SUMF1: variants seen among roughly 807,000 people sequenced by gnomAD.
The protein encoded by SUMF1 is sulfatase modifying factor 1, also known as formylglycine-generating enzyme.
A neutral mutation model predicts 47.6 loss-of-function variants in SUMF1; 48 were observed. The observed-to-expected ratio is 1.01, with a 90% CI of 0.80 to 1.28. SUMF1 has a LOEUF of 1.28. Ranked by LOEUF, SUMF1 falls within the 50% of genes most tolerant of loss-of-function variation. SUMF1 has a pLI of 0.00. For missense variants in SUMF1, 571 were observed against 485.4 expected, an observed-to-expected ratio of 1.18 and a Z score of -1.66; for synonymous variants, 230 against 192.1, an observed-to-expected ratio of 1.20 and a Z score of -1.63.
chr3:4,111,779 T>A (rs1693313322), intron 8 of SUMF1, among the ~76,000 whole-genome samples: 3 of 152,054 alleles, frequency 2.0e-5, no homozygotes, highest in Non-Finnish European at 4.4e-5. Flanking sequence ...TAAATATGAA[T>A]GTGTTTACGT....
At chr3:4,332,137 AATTAGAGCCCTTTTACAT>A (rs1699064006) in intron 8 of SUMF1, among the ~76,000 whole-genome samples, 1 of 152,234 alleles carries the variant, frequency 6.6e-6, no homozygotes, top group African/African-American at 2.4e-5. Flanking sequence ...TAAGCCAATT[AATTAGAGCCCTTTTACAT>A]ATTTTGGTAG....
intron 8 of SUMF1, among the ~76,000 whole-genome samples, chr3:4,254,499 G>A (rs939361738): frequency 1.0e-4 from 15 of 150,272 alleles, no homozygotes; most frequent in Non-Finnish European, 2.1e-4. Flanking sequence ...CCATCAACTG[G>A]AAGAAAGGGT....
intron 8 of SUMF1, among the ~76,000 whole-genome samples, chr3:4,071,313 C>T (rs1308504990): frequency 3.3e-5 from 5 of 152,106 alleles, no homozygotes; most frequent in Non-Finnish European, 4.4e-5. Flanking sequence ...GTGGGTGCAG[C>T]CCACAGAGGG....
intron 8 of SUMF1, among the ~76,000 whole-genome samples, chr3:4,145,467 A>G (rs903726440): frequency 2.6e-5 from 4 of 152,100 alleles, no homozygotes; most frequent in African/African-American, 9.7e-5. Flanking sequence ...CCTCTCTGCA[A>G]TTCATATCTT....
chr3:4,351,369 A>C (rs527644224), intron 8 of SUMF1, among the ~76,000 whole-genome samples: 4 of 152,278 alleles, frequency 2.6e-5, no homozygotes, highest in South Asian at 2.1e-4. Flanking sequence ...CAAGTAAGAA[A>C]CTTTAGCCTC....
At chr3:4,181,895 G>A (rs1488756870) in intron 8 of SUMF1, among the ~76,000 whole-genome samples, 1 of 152,062 alleles carries the variant, frequency 6.6e-6, no homozygotes, top group East Asian at 1.9e-4. Context: ...CTGATTGGCT[G>A]TCTGTGCTAC....
intron 8 of SUMF1, 49 bp from the exon 9 acceptor site, chr3:4,362,303 A>G (rs1286240182): frequency 6.5e-7 from 1 of 1,528,822 alleles, no homozygotes; most frequent in Admixed American, 1.7e-5. Flanking sequence ...CTCTCAGCTG[A>G]AGGCTCTAAC....
At chr3:4,109,080 GT>G (rs1369942252) in intron 8 of SUMF1, among the ~76,000 whole-genome samples, 1 of 152,084 alleles carries the variant, frequency 6.6e-6, no homozygotes, top group Non-Finnish European at 1.5e-5. Context: ...TCCTTTTCAT[GT>G]TTAGTGCTTC....
chr3:4,351,577 T>C (rs989933537), intron 8 of SUMF1, among the ~76,000 whole-genome samples: 2 of 152,190 alleles, frequency 1.3e-5, no homozygotes, highest in African/African-American at 2.4e-5. Context: ...CTTTTGATCA[T>C]GTTTTCCAGT....
At chr3:4,416,487 T>C (rs1056234148) in intron 6 of SUMF1, among the ~76,000 whole-genome samples, 2 of 152,174 alleles carry the variant, frequency 1.3e-5, no homozygotes, top group South Asian at 4.1e-4. Context: ...CTAAATGCAA[T>C]ATGTAAAAAA....
At chr3:4,211,678 G>T (rs1695798464) in intron 8 of SUMF1, among the ~76,000 whole-genome samples, 1 of 151,990 alleles carries the variant, frequency 6.6e-6, no homozygotes, top group Non-Finnish European at 1.5e-5. Flanking sequence ...AAACTACAAG[G>T]TATTGGTACT....
At chr3:4,128,949 G>A (rs1693722002) in intron 8 of SUMF1, among the ~76,000 whole-genome samples, 2 of 152,122 alleles carry the variant, frequency 1.3e-5, no homozygotes, top group African/African-American at 4.8e-5. Context: ...ATGACCTACT[G>A]TGAGTGAATT....
intron 3 of SUMF1, among the ~76,000 whole-genome samples, chr3:4,423,279 T>C (rs1289677192): frequency 6.8e-6 from 1 of 147,224 alleles, no homozygotes; most frequent in East Asian, 2.0e-4. Context: ...GAAACTGTGA[T>C]ACACACACAC....
intron 8 of SUMF1, among the ~76,000 whole-genome samples, chr3:4,185,951 T>C (rs904808736): frequency 6.6e-6 from 1 of 152,182 alleles, no homozygotes; most frequent in Non-Finnish European, 1.5e-5. Context: ...ACACTGGAAG[T>C]ACCAGAAGCA....
At chr3:4,179,445 C>G (rs1048737433) in intron 8 of SUMF1, among the ~76,000 whole-genome samples, 1 of 152,138 alleles carries the variant, frequency 6.6e-6, no homozygotes, top group Non-Finnish European at 1.5e-5. Flanking sequence ...AAAGGATTCC[C>G]TATTTAATAA....
At chr3:4,449,099 G>C (rs1392192183) in intron 3 of SUMF1, among the ~76,000 whole-genome samples, 167 bp downstream of exon 3, 3 of 152,200 alleles carry the variant, frequency 2.0e-5, no homozygotes, top group Non-Finnish European at 2.9e-5. Flanking sequence ...TTTTCCTTAA[G>C]ATAAGGTGTC....
At position 4,221,857 on chromosome 3, in the gene SUMF1, T is replaced by C. The variant is rs143343264; in HGVS notation, c.1015-153112A>G. Among the ~76,000 whole-genome samples, 940 of 152,252 alleles carry C rather than the reference T, an allele frequency of 6.2e-3. 3 individuals are homozygous for C. Among genetic ancestry groups the C allele is most frequent in the Non-Finnish European group, 9.2e-3 (624 of 68,010 alleles). On this transcript the variant is annotated intron_variant and NMD_transcript_variant, in intron 8 of 12. Transcript: ENST00000448413. ...CACATTTGGAAAAAGTTGGGATGTA[T>C]ATATACTCAAATGTTAATAGTAATA...
intron 8 of SUMF1, among the ~76,000 whole-genome samples, chr3:4,350,088 C>T (rs1699459866): frequency 6.6e-6 from 1 of 151,538 alleles, no homozygotes; most frequent in South Asian, 2.1e-4. Flanking sequence ...GCAACCTCTG[C>T]CTTCCGTGTT....
intron 8 of SUMF1, among the ~76,000 whole-genome samples, chr3:4,099,987 G>A (rs1418344379): frequency 6.6e-6 from 1 of 151,432 alleles, no homozygotes; most frequent in Non-Finnish European, 1.5e-5. Context: ...CCATGTTCAT[G>A]GATTGGAAGA....
Sources: gnomAD v4.1 joint callset for allele counts (sites outside exome capture counted in the v4.1 genomes callset) on GRCh38, gnomAD v4.1.1 for gene constraint, MANE v1.5 for transcripts, NCBI Gene and HGNC (gene_info 2026-07-23, HGNC 2026-07-21) for gene names.